HARS2: variants seen among roughly 807,000 people sequenced by gnomAD.
HARS2 encodes the protein histidyl-tRNA synthetase 2, mitochondrial, also known as histidine--tRNA ligase, mitochondrial.
A neutral mutation model predicts 62.4 loss-of-function variants in HARS2; 40 were observed. That is an observed-to-expected ratio of 0.64 (90% CI 0.50 to 0.83). The LOEUF (loss-of-function observed/expected upper bound fraction) is 0.83. Among genes scored for constraint, HARS2 ranks in the 40% least tolerant of loss-of-function variants. HARS2 has a pLI of 0.00. For missense variants in HARS2, 569 were observed against 626.4 expected (o/e 0.91, Z 0.98); for synonymous variants, 228 against 227.0 (o/e 1.00, Z -0.04).
At position 140,698,687 on chromosome 5, in the gene HARS2, TC is replaced by T; in HGVS notation, c.*137del. The T allele has an allele frequency of 1.2e-6, 1 of 803,494 alleles. No individual in the cohort carries two copies. Among genetic ancestry groups the T allele is most frequent in the South Asian group, 1.3e-5 (1 of 74,266 alleles). The allele number at this position is 803,494 out of a possible 1,614,324, so 49.8% of individuals were successfully genotyped here. A position where few individuals can be genotyped will look rare whatever the true frequency, so the allele number is the denominator to read the frequency against. ...AAGTACCTTCTGCCTCCTCCATTCT[TC>T]CTGGGTGCAGAACTGTAGAAGACCC... On this transcript the variant is annotated 3_prime_UTR_variant, in exon 13 of 13. Transcript: ENST00000230771.
rs1354988915 is a variant in HARS2, at chr5:140,694,178, C to T, written c.304-7C>T. On this transcript the variant is annotated splice_polypyrimidine_tract_variant and splice_region_variant and intron_variant, in intron 3 of 12. Coordinates refer to ENST00000230771, the MANE Select transcript of HARS2 (RefSeq NM_012208.4). ...CAACTGTGGCTCATTCTGTTTGACC[C>T]CTATAGGAAACCCTGACTGAGAAGT... 9.3e-6 allele frequency: 15 copies of T among 1,609,218 alleles called. No individual in the cohort carries two copies. Among genetic ancestry groups the T allele is most frequent in the Middle Eastern group, 1.7e-4 (1 of 6,056 alleles).
chr5:140,691,833 T>A, intron 1 of HARS2, 77 bp downstream of exon 1: 1 of 1,004,746 alleles, frequency 1.0e-6, no homozygotes, highest in Admixed American at 2.0e-5. Context: ...CGGCCTGTAT[T>A]CCAGTAGTGT....
In HARS2 at chr5:140,695,730, T is replaced by C. The variant is rs1220639017; in HGVS notation, c.526-8T>C. 2 of 1,613,566 alleles carry C rather than the reference T, an allele frequency of 1.2e-6. No homozygotes were observed. Among genetic ancestry groups the C allele is most frequent in the African/African-American group, 1.3e-5 (1 of 74,910 alleles). ...GGATGTTTTTTCCCATCTTTTTCTTTGCTGTAGGATTTTGACATTGCTGGT... is the reference window on the plus strand; with the variant it reads ...GGATGTTTTTTCCCATCTTTTTCTTCGCTGTAGGATTTTGACATTGCTGGT... On this transcript the variant is annotated splice_region_variant and splice_polypyrimidine_tract_variant and intron_variant, in intron 5 of 12. Transcript: ENST00000230771.
chr5:140,694,912 C>T (rs1227001331), intron 4 of HARS2, among the ~76,000 whole-genome samples: 4 of 152,192 alleles, frequency 2.6e-5, no homozygotes, highest in Non-Finnish European at 4.4e-5. Flanking sequence ...CGCCATTGCA[C>T]TCCAGCCTGG....
intron 2 of HARS2, 94 bp downstream of exon 2, chr5:140,693,759 A>G (rs967162107): frequency 7.9e-6 from 10 of 1,269,942 alleles, no homozygotes; most frequent in Admixed American, 3.4e-5. Context: ...TGTTCTTTAC[A>G]GTAAATTTTA....
At chr5:140,694,086 C>T in intron 3 of HARS2, 32 bp downstream of exon 3, 2 of 1,613,654 alleles carry the variant, frequency 1.2e-6, no homozygotes, top group Non-Finnish European at 1.7e-6. Context: ...CGTGCAACCT[C>T]ACTCACTTCT....
chr5:140,695,101 A>G (rs747256831), intron 4 of HARS2, among the ~76,000 whole-genome samples: 14 of 152,138 alleles, frequency 9.2e-5, no homozygotes, highest in Middle Eastern at 3.2e-3. Flanking sequence ...ATTTTAAACA[A>G]GCATCGTGGG....
chr5:140,695,576 G>A lies in HARS2; in HGVS notation c.468G>A (p.Val156=). ...TGAAACGTTATCATGTTGGAAAGGT[G>A]TGGCGGCGAGAGAGCCCAACCATAG... is the stretch of plus-strand genomic sequence containing the variant. The part of the protein sequence containing the change: ...KKMKRYHVGK[V]WRRESPTIVQ... The change falls in exon 5 of 13, where the codon GTG becomes GTA. Residue 156 remains valine (V), a synonymous_variant. Transcript: ENST00000230771. 2 of 1,614,200 alleles carry A rather than the reference G, an allele frequency of 1.2e-6. No homozygotes were observed. Among genetic ancestry groups the A allele is most frequent in the East Asian group, 2.2e-5 (1 of 44,880 alleles).
At position 140,694,283 on chromosome 5, in the gene HARS2, A is replaced by G; in HGVS notation, c.399+3A>G. ...TGTCCCTCCGCTATGACCTTACTGT[A>G]TCCTTTTGAGTACTGGAGCCTGACC... On this transcript the variant is annotated splice_donor_region_variant and intron_variant, in intron 4 of 12. Transcript: ENST00000230771. 1.3e-6 allele frequency: 2 copies of G among 1,595,670 alleles called. No homozygotes were observed. The highest frequency in any genetic ancestry group is 1.7e-6 in the Non-Finnish European group (2 of 1,163,068).
intron 7 of HARS2, 158 bp downstream of exon 7, chr5:140,696,359 A>C (rs774771574): frequency 1.4e-5 from 11 of 796,904 alleles, no homozygotes; most frequent in South Asian, 5.7e-5. Flanking sequence ...GAGTCATGCT[A>C]TACAGTGGGG....
At chr5:140,695,460 C>A in intron 4 of HARS2, 48 bp from the exon 5 acceptor site, 1 of 1,610,804 alleles carries the variant, frequency 6.2e-7, no homozygotes, top group Non-Finnish European at 8.5e-7. Context: ...GTATACTGGG[C>A]CTAATCTTTG....
rs1562066116 is a variant in HARS2, at chr5:140,699,038, A to G, written c.*486A>G. 2 of 264,056 alleles carry G rather than the reference A, an allele frequency of 7.6e-6. No homozygotes were observed. Among genetic ancestry groups the G allele is most frequent in the Non-Finnish European group, 1.5e-5 (2 of 134,750 alleles). 16.4% of individuals were successfully genotyped at this position (264,056 alleles called of 1,614,324 possible). On this transcript the variant is annotated 3_prime_UTR_variant, in exon 13 of 13. Transcript: ENST00000230771. ...GGGGCAATGGCTGCTTTCAGCTTTGAGGACAGATGCTATCCTAAGGGCATG... is the reference window on the plus strand; with the variant it reads ...GGGGCAATGGCTGCTTTCAGCTTTGGGGACAGATGCTATCCTAAGGGCATG...
At position 140,694,205 on chromosome 5, in the gene HARS2, T is replaced by G. The variant is rs143687204; in HGVS notation, c.324T>G (p.Tyr108Ter). The G allele has an allele frequency of 6.4e-5, 104 of 1,613,492 alleles. No individual in the cohort carries two copies. The highest frequency in any genetic ancestry group is 8.6e-5 in the Non-Finnish European group (102 of 1,179,474). ...TATAGGAAACCCTGACTGAGAAGTA[T>G]GGAGAGGACTCTGGGCTCATGTATG... ...FELKETLTEK[Y>*]GEDSGLMYDL... The change falls in exon 4 of 13, where the codon TAT becomes TAG. Residue 108 changes from tyrosine (Y) to a stop codon, truncating the protein, a stop_gained. Transcript: ENST00000230771. LOFTEE classifies it high-confidence loss of function.
rs1759485893 is a variant in HARS2, at chr5:140,691,698, G to A, written c.50G>A (p.Ser17Asn). The A allele has an allele frequency of 1.9e-6, 3 of 1,552,304 alleles. No individual in the cohort carries two copies. The South Asian group carries it at 3.6e-5, about 18-fold the overall frequency. Residue 17 changes from serine (S) to asparagine (N), a missense_variant, in exon 1 of 13, where the codon AGC becomes AAC. By Grantham distance (46) the Ser-to-Asn change is conservative. Transcript: ENST00000230771. Reference protein sequence around the residue: ...LPRRAWASLLSQLLRPPCASC... With the variant: ...LPRRAWASLLNQLLRPPCASC... ...AGGAGGGCCTGGGCTTCGCTGCTCA[G>A]CCAGCTCCTGCGACCGCCCTGCGCT...
chr5:140,696,729 C>G, intron 8 of HARS2, 115 bp downstream of exon 8: 1 of 950,896 alleles, frequency 1.1e-6, no homozygotes. Context: ...AGGGCCTGTC[C>G]TGAATTTAAT....
intron 4 of HARS2, 113 bp from the exon 5 acceptor site, chr5:140,695,395 G>C: frequency 8.5e-7 from 1 of 1,180,368 alleles, no homozygotes; most frequent in Non-Finnish European, 1.3e-6. Context: ...AAAAAGGGAA[G>C]GTCCTTGTTC....
chr5:140,695,365 T>A, intron 4 of HARS2, 143 bp from the exon 5 acceptor site: 2 of 886,972 alleles, frequency 2.3e-6, no homozygotes, highest in Non-Finnish European at 3.8e-6. Context: ...CAAGCACTGC[T>A]AGGCCTTGGG....
chr5:140,697,296 C>G lies in HARS2; in HGVS notation c.1087C>G (p.Arg363Gly). 6.2e-7 allele frequency: 1 copy of G among 1,614,032 alleles called. No individual in the cohort carries two copies. Among genetic ancestry groups the G allele is most frequent in the Non-Finnish European group, 8.5e-7 (1 of 1,180,000 alleles). ...LNVGSVAAGG[R>G]YDGLVGMFDP... ...TGTGGGCAGTGTGGCTGCTGGTGGG[C>G]GCTATGATGGGCTGGTGGGCATGTT... Residue 363 changes from arginine (R) to glycine (G), a missense_variant, in exon 10 of 13, where the codon CGC (arginine) becomes GGC (glycine). Physicochemically the swap from Arg to Gly is moderately radical, Grantham distance 125. Transcript: ENST00000230771.
chr5:140,696,169 G>A lies in HARS2; in HGVS notation c.700G>A (p.Ala234Thr), dbSNP rs775012745. The change falls in exon 7 of 13, where the codon GCC becomes ACC. Residue 234 changes from alanine to threonine, a missense_variant. By Grantham distance (58) the Ala-to-Thr change is moderately conservative. Transcript: ENST00000230771. ...VCGVPESKFR[A>T]ICSSIDKLDK... is the part of the protein sequence containing the mutation. Reference sequence around the variant, plus strand: ...TGGTGTTCCTGAAAGCAAGTTCCGTGCCATCTGCTCCTCCATAGATAAACT... The same window carrying A: ...TGGTGTTCCTGAAAGCAAGTTCCGTACCATCTGCTCCTCCATAGATAAACT... 1 of 1,613,242 alleles carries A rather than the reference G, an allele frequency of 6.2e-7. No homozygotes were observed. Among genetic ancestry groups the A allele is most frequent in the Non-Finnish European group, 8.5e-7 (1 of 1,179,264 alleles).
Sources: allele counts gnomAD v4.1 joint callset (sites outside exome capture counted in the v4.1 genomes callset), GRCh38; gene constraint gnomAD v4.1.1; transcripts MANE v1.5; gene names NCBI Gene and HGNC (gene_info 2026-07-23, HGNC 2026-07-21).